The following RNF216 variants were observed in gnomAD, a reference collection of about 807,000 sequenced individuals.
RNF216 encodes ring finger protein 216.
RNF216 carries 72 observed loss-of-function variants against 110.8 expected under a neutral mutation model. The ratio of observed to expected loss-of-function variants is 0.65; its 90% CI spans 0.54 to 0.79. The LOEUF is 0.79. Among genes scored for constraint, RNF216 ranks in the 30% least tolerant of loss-of-function variants. RNF216 has a pLI of 0.00. For synonymous variants in RNF216, 495 were observed against 407.5 expected, an observed-to-expected ratio of 1.21 and a Z score of -2.59; for missense variants, 1,342 against 1,141.2, an observed-to-expected ratio of 1.18 and a Z score of -2.54.
chr7:5,646,478 G>C (rs938489881), intron 14 of RNF216, among the ~76,000 whole-genome samples: 13 of 152,046 alleles, frequency 8.6e-5, no homozygotes, highest in South Asian at 2.1e-4. Flanking sequence ...CAGATAATGA[G>C]GTCCGGAGAT....
At chr7:5,677,097 G>A (rs1262301540) in intron 13 of RNF216, among the ~76,000 whole-genome samples, 3 of 152,162 alleles carry the variant, frequency 2.0e-5, no homozygotes, top group African/African-American at 7.2e-5. Flanking sequence ...TTGTTTTTAG[G>A]GCACTCTGAC....
intron 13 of RNF216, among the ~76,000 whole-genome samples, chr7:5,693,274 T>C (rs1265917747): frequency 6.6e-6 from 1 of 152,190 alleles, no homozygotes; most frequent in African/African-American, 2.4e-5. Context: ...ATAGATACCA[T>C]ATGGTCCGCA....
At position 5,696,225 on chromosome 7, in the gene RNF216, T is replaced by C. The variant is rs551077621; in HGVS notation, c.2061+15536A>G. On this transcript the variant is annotated intron_variant, in intron 13 of 16. Transcript: ENST00000389902. This position sits in a 1 kb window ranked among gnomAD's most constrained non-coding sequence, Gnocchi z 5.4. The stretch of plus-strand genomic sequence containing the variant: ...GTTTGTATTTCTGTCAGGAGGCCCA[T>C]GGAAAAAAAGCAGGGCTCTCAGCAG... 3.3e-5 allele frequency among the ~76,000 whole-genome samples: 5 copies of C among 152,150 alleles called. No individual in the cohort carries two copies. The highest frequency in any genetic ancestry group is 9.6e-5 in the African/African-American group (4 of 41,506).
intron 2 of RNF216, among the ~76,000 whole-genome samples, chr7:5,754,826 G>C (rs774703066): frequency 6.6e-6 from 1 of 152,048 alleles, no homozygotes; most frequent in Non-Finnish European, 1.5e-5. Flanking sequence ...CCAGGAGTTC[G>C]AGACGAGCCT....
intron 13 of RNF216, among the ~76,000 whole-genome samples, chr7:5,668,135 A>G (rs1789648018): frequency 6.6e-6 from 1 of 152,158 alleles, no homozygotes; most frequent in African/African-American, 2.4e-5. Flanking sequence ...TACTGTTTAT[A>G]TAGCAGGCAT....
At position 5,631,555 on chromosome 7, in the gene RNF216, A is replaced by G. The variant is rs149450886; in HGVS notation, c.2383-7430T>C. Among the ~76,000 whole-genome samples, 56 of 152,104 alleles carry G rather than the reference A, an allele frequency of 3.7e-4. No homozygotes were observed. In the East Asian group the frequency reaches 0.011, roughly 29 times the overall value. On this transcript the variant is annotated intron_variant, in intron 15 of 16. Transcript: ENST00000389902. ...ATGCTTCAAGATTTCCTTGCCTGAC[A>G]TGTTTTCTCCTGACACTACCAAGTT...
intron 9 of RNF216, among the ~76,000 whole-genome samples, chr7:5,720,126 T>C (rs879293584): frequency 3.9e-5 from 6 of 152,218 alleles, no homozygotes; most frequent in Non-Finnish European, 8.8e-5. Context: ...ACCACTGCTT[T>C]TGTTCTGCTG....
At chr7:5,750,575 T>A (rs758467508) in intron 3 of RNF216, among the ~76,000 whole-genome samples, 1 of 152,250 alleles carries the variant, frequency 6.6e-6, no homozygotes, top group Non-Finnish European at 1.5e-5. Flanking sequence ...GCTTAGTTCC[T>A]GAAGCCCTAT....
intron 13 of RNF216, among the ~76,000 whole-genome samples, chr7:5,663,201 T>C (rs887962853): frequency 1.3e-5 from 2 of 152,112 alleles, no homozygotes; most frequent in Admixed American, 6.6e-5. Flanking sequence ...CTTTTCCAAA[T>C]GCCAGGCGCT....
intron 16 of RNF216, among the ~76,000 whole-genome samples, 160 bp downstream of exon 16, chr7:5,623,896 G>T (rs797004330): frequency 4.7e-4 from 71 of 152,316 alleles, no homozygotes; most frequent in African/African-American, 1.7e-3. Flanking sequence ...ATAAGCCTGA[G>T]ATGTGGCCGC....
chr7:5,688,840 G>A (rs375723514), intron 13 of RNF216, among the ~76,000 whole-genome samples: 127 of 151,994 alleles, frequency 8.4e-4, no homozygotes, highest in African/African-American at 2.9e-3. Flanking sequence ...AATATGATAC[G>A]AATTCCCAAA....
intron 13 of RNF216, among the ~76,000 whole-genome samples, chr7:5,654,787 G>A (rs982164344): frequency 1.3e-5 from 2 of 150,572 alleles, no homozygotes; most frequent in African/African-American, 2.4e-5. Flanking sequence ...CACTGCTTCC[G>A]AGGGATGCGG....
chr7:5,656,206 T>A (rs566512019), intron 13 of RNF216, among the ~76,000 whole-genome samples: 1 of 151,824 alleles, frequency 6.6e-6, no homozygotes, highest in African/African-American at 2.4e-5. Context: ...GAGGTGGAGG[T>A]TGCATTGAGC....
At position 5,725,315 on chromosome 7, in the gene RNF216, T is replaced by C. The variant is rs1393956584; in HGVS notation, c.1504+9A>G. ...AGCTACACACTGCCACCAACACAGT[T>C]TGCATTACCTTGTTCAAACTTGAAA... On this transcript the variant is annotated intron_variant, in intron 8 of 16. Coordinates refer to ENST00000389902, the MANE Select transcript of RNF216 (RefSeq NM_207111.4). 1 of 1,490,928 alleles carries C rather than the reference T, an allele frequency of 6.7e-7. No individual in the cohort carries two copies. Among genetic ancestry groups the C allele is most frequent in the African/African-American group, 1.4e-5 (1 of 72,380 alleles). The allele number at this position is 1,490,928 out of a possible 1,614,324, so 92.4% of individuals were successfully genotyped here. A position where few individuals can be genotyped will look rare whatever the true frequency, so the allele number is the denominator to read the frequency against.
intron 13 of RNF216, among the ~76,000 whole-genome samples, chr7:5,664,205 A>G (rs1789356967): frequency 6.6e-6 from 1 of 152,240 alleles, no homozygotes; most frequent in African/African-American, 2.4e-5. Flanking sequence ...CCTCTCTGAA[A>G]GAACATTATT....
At chr7:5,662,805 G>A (rs1349850848) in intron 13 of RNF216, among the ~76,000 whole-genome samples, 2 of 152,316 alleles carry the variant, frequency 1.3e-5, no homozygotes, top group African/African-American at 4.8e-5. Flanking sequence ...TGTGAACAGG[G>A]AGGGTGCCAT....
At chr7:5,651,755 T>C (rs1788405272) in intron 14 of RNF216, among the ~76,000 whole-genome samples, 1 of 152,126 alleles carries the variant, frequency 6.6e-6, no homozygotes, top group Admixed American at 6.5e-5. Flanking sequence ...TTCAACTAAT[T>C]ATCCTGCCTC....
intron 10 of RNF216, among the ~76,000 whole-genome samples, chr7:5,715,898 T>C (rs1277292438): frequency 1.3e-5 from 2 of 152,032 alleles, no homozygotes; most frequent in African/African-American, 2.4e-5. Flanking sequence ...CCCGCCACTA[T>C]GCCCAGCTAA....
intron 14 of RNF216, among the ~76,000 whole-genome samples, chr7:5,649,391 A>C (rs1227712049): frequency 6.6e-6 from 1 of 152,062 alleles, no homozygotes; most frequent in Non-Finnish European, 1.5e-5. Flanking sequence ...CAAAGGAAAA[A>C]AAAAAAAGAC....
Sources: gnomAD v4.1 joint callset for allele counts (sites outside exome capture counted in the v4.1 genomes callset) on GRCh38, gnomAD v4.1.1 for gene constraint, Gnocchi (gnomAD v3.1) non-coding constraint, MANE v1.5 for transcripts, NCBI Gene and HGNC (gene_info 2026-07-23, HGNC 2026-07-21) for gene names.